Variants in UBE2E2 observed in about 807,000 individuals in gnomAD.
UBE2E2 encodes the protein ubiquitin conjugating enzyme E2 E2, also known as ubiquitin-conjugating enzyme E2 E2.
Under a neutral mutation model 24.7 loss-of-function variants are expected in UBE2E2, and 6 were observed. That is an observed-to-expected ratio of 0.24 (90% confidence interval 0.13 to 0.48). The LOEUF is 0.48. Among genes scored for constraint, UBE2E2 ranks in the 20% least tolerant of loss-of-function variants. The pLI, the probability that UBE2E2 is intolerant of heterozygous loss-of-function variation, is 0.99. For missense variants in UBE2E2, 169 were observed against 245.0 expected, an observed-to-expected ratio of 0.69 and a Z score of 2.07; for synonymous variants, 104 against 83.6, an observed-to-expected ratio of 1.24 and a Z score of -1.33.
chr3:23,354,515 T>C (rs2125324513), intron 3 of UBE2E2, among the ~76,000 whole-genome samples: 1 of 152,092 alleles, frequency 6.6e-6, no homozygotes, highest in African/African-American at 2.4e-5. Context: ...GAATCTACAA[T>C]GAACTCCAAC....
Position 23,589,685 on chromosome 3 carries a change from C to T in UBE2E2, c.509-49C>T. The T allele has an allele frequency of 2.5e-6, 4 of 1,591,270 alleles. No individual in the cohort carries two copies. The highest frequency in any genetic ancestry group is 3.4e-6 in the Non-Finnish European group (4 of 1,160,758). ...CTTGCCAGCTTTCTGAACACTTCTT[C>T]CCCCACAGTGCTGGTATTTACTGAC... is the stretch of plus-strand genomic sequence containing the variant. On this transcript the variant is annotated intron_variant, in intron 5 of 5. Coordinates refer to ENST00000396703, the MANE Select transcript of UBE2E2 (RefSeq NM_152653.4). This position sits in a 1 kb window ranked among gnomAD's most constrained non-coding sequence, Gnocchi z 4.1.
chr3:23,447,708 G>A (rs1477706381), intron 3 of UBE2E2, among the ~76,000 whole-genome samples: 1 of 152,100 alleles, frequency 6.6e-6, no homozygotes, highest in Non-Finnish European at 1.5e-5. Flanking sequence ...TAGCAAACAT[G>A]ACTGTTACAC....
intron 3 of UBE2E2, among the ~76,000 whole-genome samples, chr3:23,224,431 A>G (rs924703961): frequency 2.0e-5 from 3 of 151,348 alleles, no homozygotes; most frequent in East Asian, 1.9e-4. Context: ...TGTAAATAGG[A>G]TTGCTTTCTT....
rs1696021740 is a variant in UBE2E2 at position 23,203,453 on chromosome 3, C to A, written c.-20C>A. The A allele has an allele frequency of 1.3e-6, 1 of 788,922 alleles. No homozygotes were observed. The highest frequency in any genetic ancestry group is 1.4e-6 in the Non-Finnish European group (1 of 716,540). The allele number at this position is 788,922 out of a possible 1,614,324, so 48.9% of individuals were successfully genotyped here. A position where few individuals can be genotyped will look rare whatever the true frequency, so the allele number is the denominator to read the frequency against. ...CTCGAGCCTGCGACCTGCACGGACA[C>A]CCCCCCCTCAGGTATTCGCTCGGGC... is the stretch of plus-strand genomic sequence containing the variant. On this transcript the variant is annotated 5_prime_UTR_variant, in exon 1 of 6. Transcript: ENST00000396703.
chr3:23,432,871 T>C (rs1236534991), intron 3 of UBE2E2, among the ~76,000 whole-genome samples: 2 of 151,826 alleles, frequency 1.3e-5, no homozygotes, highest in African/African-American at 4.8e-5. Flanking sequence ...TTAACAGATA[T>C]AATAGATGTT....
intron 3 of UBE2E2, among the ~76,000 whole-genome samples, chr3:23,317,558 C>T (rs1232228873): frequency 6.6e-6 from 1 of 152,258 alleles, no homozygotes; most frequent in Non-Finnish European, 1.5e-5. Context: ...ACTTACAGTT[C>T]CGCATGGCTG....
chr3:23,503,010 C>T (rs1187528234), intron 4 of UBE2E2, among the ~76,000 whole-genome samples: 1 of 152,076 alleles, frequency 6.6e-6, no homozygotes, highest in East Asian at 1.9e-4. Context: ...AGGAATACTA[C>T]ATTATGGCCA....
At chr3:23,339,927 G>A (rs1293181084) in intron 3 of UBE2E2, among the ~76,000 whole-genome samples, 1 of 152,038 alleles carries the variant, frequency 6.6e-6, no homozygotes, top group Non-Finnish European at 1.5e-5. Context: ...GGAATAACGG[G>A]AAATACTGAA....
At chr3:23,286,561 T>A (rs9810378) in intron 3 of UBE2E2, among the ~76,000 whole-genome samples, 6,383 of 152,274 alleles carry the variant, frequency 0.042, 458 homozygotes, top group African/African-American at 0.15. Context: ...AGCTCTGTAG[T>A]ATAATTTGAA....
At chr3:23,206,033 G>T (rs557567321) in intron 1 of UBE2E2, among the ~76,000 whole-genome samples, 2 of 152,302 alleles carry the variant, frequency 1.3e-5, no homozygotes, top group East Asian at 1.9e-4. Context: ...CGCTGAAGCT[G>T]CATCCTCAGT....
At chr3:23,402,002 G>A (rs957639066) in intron 3 of UBE2E2, among the ~76,000 whole-genome samples, 28 of 151,820 alleles carry the variant, frequency 1.8e-4, no homozygotes, top group Non-Finnish European at 3.8e-4. Flanking sequence ...GATTACAGGC[G>A]TGCACTACCA....
chr3:23,552,748 A>T (rs1164594072), intron 5 of UBE2E2, among the ~76,000 whole-genome samples: 3 of 152,190 alleles, frequency 2.0e-5, no homozygotes, highest in Non-Finnish European at 4.4e-5. Flanking sequence ...TTGTTGCCAC[A>T]TGAATGCAAG....
At chr3:23,439,711 T>A (rs1559384116) in intron 3 of UBE2E2, among the ~76,000 whole-genome samples, 1 of 152,172 alleles carries the variant, frequency 6.6e-6, no homozygotes, top group South Asian at 2.1e-4. Flanking sequence ...AACCTTTTAT[T>A]TTAATGTGTT....
intron 3 of UBE2E2, among the ~76,000 whole-genome samples, chr3:23,432,036 TG>T: frequency 6.6e-6 from 1 of 152,202 alleles, no homozygotes; most frequent in Non-Finnish European, 1.5e-5. Flanking sequence ...GTCATCACAC[TG>T]TAATGTACAG....
chr3:23,544,984 A>G (rs985550399), intron 5 of UBE2E2, among the ~76,000 whole-genome samples: 23 of 152,350 alleles, frequency 1.5e-4, no homozygotes, highest in African/African-American at 5.5e-4. Context: ...TTAGATATGC[A>G]TACACATAAA....
chr3:23,441,399 C>T (rs1698300500), intron 3 of UBE2E2, among the ~76,000 whole-genome samples: 1 of 146,654 alleles, frequency 6.8e-6, no homozygotes, highest in South Asian at 2.1e-4. Flanking sequence ...ATTAGCTGGG[C>T]ATGGTGGCGG....
At chr3:23,490,201 CTTTA>C (rs1478157364) in intron 3 of UBE2E2, among the ~76,000 whole-genome samples, 3 of 152,146 alleles carry the variant, frequency 2.0e-5, no homozygotes, top group African/African-American at 7.2e-5. Flanking sequence ...TTTCCAAAGT[CTTTA>C]TAATCATAAC....
At chr3:23,324,068 AATAACT>A (rs1694820442) in intron 3 of UBE2E2, among the ~76,000 whole-genome samples, 1 of 152,134 alleles carries the variant, frequency 6.6e-6, no homozygotes, top group South Asian at 2.1e-4. Context: ...CTGTTTCTGG[AATAACT>A]GTGCAATGCT....
At chr3:23,229,619 C>A (rs1427763056) in intron 3 of UBE2E2, among the ~76,000 whole-genome samples, 3 of 152,190 alleles carry the variant, frequency 2.0e-5, no homozygotes, top group Non-Finnish European at 4.4e-5. Flanking sequence ...AGGATTTCAA[C>A]CTTGTTTCTG....
Sources: gnomAD v4.1 joint callset for allele counts (sites outside exome capture counted in the v4.1 genomes callset) on GRCh38, gnomAD v4.1.1 for gene constraint, Gnocchi (gnomAD v3.1) non-coding constraint, MANE v1.5 for transcripts, NCBI Gene and HGNC (gene_info 2026-07-23, HGNC 2026-07-21) for gene names.